The following ZSWIM6 variants were observed in gnomAD, a reference collection of about 807,000 sequenced individuals.
The protein encoded by ZSWIM6 is zinc finger SWIM-type containing 6.
A neutral mutation model predicts 113.2 loss-of-function variants in ZSWIM6; 9 were observed. That is an observed-to-expected ratio of 0.08 (90% CI 0.05 to 0.14). ZSWIM6 has a LOEUF of 0.14. ZSWIM6 is among the 10% of genes least tolerant of loss of function. ZSWIM6 has a pLI of 1.00. For missense variants in ZSWIM6, 1,162 were observed against 1,552.2 expected, an observed-to-expected ratio of 0.75 and a Z score of 4.22; for synonymous variants, 611 against 606.5, an observed-to-expected ratio of 1.01 and a Z score of -0.11.
intron 2 of ZSWIM6, among the ~76,000 whole-genome samples, chr5:61,476,472 A>G (rs1342476412): frequency 1.3e-5 from 2 of 152,196 alleles, no homozygotes; most frequent in African/African-American, 4.8e-5. Flanking sequence ...ATATGTTTTC[A>G]TAAAATTTTC....
intron 3 of ZSWIM6, among the ~76,000 whole-genome samples, chr5:61,491,236 AT>A (rs1011770395): frequency 3.9e-5 from 6 of 151,902 alleles, no homozygotes; most frequent in Admixed American, 6.6e-5. Flanking sequence ...TCAAAATGCC[AT>A]TTTTTTCAAG....
rs1354005531 is a variant in ZSWIM6, at chr5:61,398,949, A to C, written c.676+66001A>C. On this transcript the variant is annotated intron_variant, in intron 1 of 13. Transcript: ENST00000252744. ...TTTTTTTTTTTTTTTTTGAGACAGA[A>C]TCTCGCTCTGTCACCCAGGCTGGAG... is the stretch of plus-strand genomic sequence containing the variant. Among the ~76,000 whole-genome samples the C allele has an allele frequency of 2.6e-4, 30 of 116,594 alleles. 1 individual carries two copies. The Admixed American group carries it at 3.0e-3, about 12-fold the overall frequency. 76.5% of individuals were successfully genotyped at this position (116,594 alleles called of 152,430 possible). A position where few individuals can be genotyped will look rare whatever the true frequency, so the allele number is the denominator to read the frequency against.
At chr5:61,538,291 TG>T (rs2112287771) in intron 10 of ZSWIM6, among the ~76,000 whole-genome samples, 1 of 152,352 alleles carries the variant, frequency 6.6e-6, no homozygotes, top group East Asian at 1.9e-4. Context: ...TATGAATGGA[TG>T]GAAAAGAGGT....
chr5:61,508,342 T>G (rs1204733756), intron 4 of ZSWIM6, among the ~76,000 whole-genome samples: 1 of 152,208 alleles, frequency 6.6e-6, no homozygotes, highest in Non-Finnish European at 1.5e-5. Flanking sequence ...TAGGATTTTC[T>G]TTGAAGTGAT....
intron 1 of ZSWIM6, among the ~76,000 whole-genome samples, chr5:61,372,662 T>C (rs1180961604): frequency 3.3e-5 from 5 of 152,182 alleles, no homozygotes; most frequent in Non-Finnish European, 5.9e-5. Flanking sequence ...TGTTCACTTC[T>C]CCTGAGCTCC....
At chr5:61,489,129 G>GT (rs933425137) in intron 2 of ZSWIM6, among the ~76,000 whole-genome samples, 13 of 152,054 alleles carry the variant, frequency 8.5e-5, no homozygotes, top group African/African-American at 3.1e-4. Context: ...CATGCACCAT[G>GT]TTTTTTCCTG....
chr5:61,478,310 A>G (rs1008662913), intron 2 of ZSWIM6, among the ~76,000 whole-genome samples: 1 of 152,166 alleles, frequency 6.6e-6, no homozygotes, highest in Non-Finnish European at 1.5e-5. Flanking sequence ...AGTATCTAAA[A>G]AGGCAAGTCC....
chr5:61,510,760 C>T (rs1748765049), intron 4 of ZSWIM6, among the ~76,000 whole-genome samples: 1 of 152,074 alleles, frequency 6.6e-6, no homozygotes, highest in African/African-American at 2.4e-5. Flanking sequence ...ATTGAACTTG[C>T]TTTTATTGTA....
intron 1 of ZSWIM6, among the ~76,000 whole-genome samples, chr5:61,362,316 A>G (rs905067191): frequency 6.6e-6 from 1 of 151,892 alleles, no homozygotes; most frequent in East Asian, 1.9e-4. Context: ...CTCGTGCCTC[A>G]GCCACCTTAA....
chr5:61,335,854 A>G (rs1744380053), intron 1 of ZSWIM6, among the ~76,000 whole-genome samples: 1 of 152,200 alleles, frequency 6.6e-6, no homozygotes, highest in African/African-American at 2.4e-5. Context: ...AATTTAAGGG[A>G]AAAAAATAAA....
intron 1 of ZSWIM6, among the ~76,000 whole-genome samples, chr5:61,427,193 A>G (rs1746479970): frequency 6.6e-6 from 1 of 152,234 alleles, no homozygotes; most frequent in South Asian, 2.1e-4. Flanking sequence ...ATATACAGTC[A>G]TCAGTCATCC....
At chr5:61,534,133 T>G (rs1233358080) in intron 9 of ZSWIM6, among the ~76,000 whole-genome samples, 1 of 152,178 alleles carries the variant, frequency 6.6e-6, no homozygotes, top group Admixed American at 6.5e-5. Context: ...CCTGTAACAG[T>G]TAATAACTTA....
intron 1 of ZSWIM6, among the ~76,000 whole-genome samples, chr5:61,462,137 C>T (rs967287730): frequency 2.0e-5 from 3 of 152,152 alleles, no homozygotes; most frequent in African/African-American, 7.2e-5. Context: ...GCTTGTCAGG[C>T]TATAAATTAG....
intron 1 of ZSWIM6, among the ~76,000 whole-genome samples, chr5:61,394,596 G>GAT (rs763609602): frequency 7.2e-5 from 11 of 152,172 alleles, no homozygotes; most frequent in Non-Finnish European, 1.3e-4. Flanking sequence ...TGGTGTATAT[G>GAT]ATATATATGA....
chr5:61,529,987 T>TC, intron 7 of ZSWIM6, 65 bp from the exon 8 acceptor site: 3 of 1,386,990 alleles, frequency 2.2e-6, no homozygotes, highest in Non-Finnish European at 1.9e-6. Context: ...GCCTCTGTTT[T>TC]CCCCACTTCT....
rs369791585 is a variant in ZSWIM6, at chr5:61,332,999, T to TGG, written c.676+60_676+61dup. On this transcript the variant is annotated intron_variant, in intron 1 of 13. Coordinates refer to ENST00000252744, the MANE Select transcript of ZSWIM6 (RefSeq NM_020928.2). ...GTCTGTCCGTCCGTCAGTCCCTGGG[T>TGG]GGGGGGGGGGTGCCCGCCTTTCTCC... 1,497 of 624,134 alleles carry TGG rather than the reference T, an allele frequency of 2.4e-3. 13 individuals are homozygous for TGG. The African/African-American group carries it at 0.032, about 13-fold the overall frequency. 38.7% of individuals were successfully genotyped at this position (624,134 alleles called of 1,614,324 possible). A position where few individuals can be genotyped will look rare whatever the true frequency, so the allele number is the denominator to read the frequency against.
intron 1 of ZSWIM6, among the ~76,000 whole-genome samples, chr5:61,333,380 G>T (rs977022900): frequency 6.6e-6 from 1 of 151,820 alleles, no homozygotes; most frequent in Admixed American, 6.5e-5. Context: ...AGACAATGCC[G>T]GCCGCGGCCC....
chr5:61,355,440 ACACACACACACAC>A (rs1744881245), intron 1 of ZSWIM6, among the ~76,000 whole-genome samples: 552 of 40,518 alleles, frequency 0.014, 3 homozygotes, highest in African/African-American at 0.047. Context: ...AAACACACAC[ACACACACACACAC>A]ACACACACAC....
Position 61,472,759 on chromosome 5 carries a change from T to C in ZSWIM6, c.755T>C (p.Phe252Ser). Residue 252 changes from phenylalanine to serine, a missense_variant, in exon 2 of 14, where the codon TTT becomes TCT. By Grantham distance (155) the Phe-to-Ser change is radical. This residue lies in a region of ZSWIM6 where 96 missense variants were observed against 240.3 expected (regional missense o/e 0.40). Coordinates refer to ENST00000252744, the MANE Select transcript of ZSWIM6 (RefSeq NM_020928.2). The surrounding 1 kb of genome is among the most constrained non-coding windows in gnomAD (Gnocchi z 4.1). ...PETVCNVAISFDRCKITSVTC... is the reference protein window; with the variant it reads ...PETVCNVAISSDRCKITSVTC... The stretch of plus-strand genomic sequence containing the variant: ...ACTGTTTGCAACGTGGCCATCAGCT[T>C]TGATCGTTGCAAGATTACCTCAGTG... 6.4e-7 allele frequency: 1 copy of C among 1,551,636 alleles called. No individual in the cohort carries two copies. The highest frequency in any genetic ancestry group is 8.7e-7 in the Non-Finnish European group (1 of 1,146,948).
Sources: allele counts gnomAD v4.1 joint callset (sites outside exome capture counted in the v4.1 genomes callset), GRCh38; gene constraint gnomAD v4.1.1; regional missense constraint gnomAD v4.1.1; non-coding constraint Gnocchi (gnomAD v3.1); transcripts MANE v1.5; gene names NCBI Gene and HGNC (gene_info 2026-07-23, HGNC 2026-07-21).